The following TMEM135 variants were observed in gnomAD, a reference collection of about 807,000 sequenced individuals.
TMEM135 encodes transmembrane protein 135, also known as peroxisomal membrane protein 52.
Under a neutral mutation model 60.3 loss-of-function variants are expected in TMEM135, and 30 were observed. The ratio of observed to expected loss-of-function variants is 0.50; its 90% CI spans 0.37 to 0.68. The LOEUF (loss-of-function observed/expected upper bound fraction) is 0.68. TMEM135 is among the 30% of genes least tolerant of loss of function. The pLI is 0.00. For synonymous variants in TMEM135, 190 were observed against 186.7 expected, an observed-to-expected ratio of 1.02 and a Z score of -0.14; for missense variants, 468 against 548.8, an observed-to-expected ratio of 0.85 and a Z score of 1.47.
At position 87,037,999 on chromosome 11, in the gene TMEM135, A is replaced by C. The variant is rs758828891; in HGVS notation, c.-47A>C. The C allele has an allele frequency of 1.2e-6, 2 of 1,611,064 alleles. No homozygotes were observed. Among genetic ancestry groups the C allele is most frequent in the Non-Finnish European group, 1.7e-6 (2 of 1,179,696 alleles). ...GCTGGGCTCTCGCGCCCCTCCCTGC[A>C]GGGCTCAGGCTCTCCCCCTCCTGTC... On this transcript the variant is annotated 5_prime_UTR_variant, in exon 1 of 15. Coordinates refer to ENST00000305494, the MANE Select transcript of TMEM135 (RefSeq NM_022918.4).
At chr11:87,259,861 T>A (rs990751791) in intron 6 of TMEM135, among the ~76,000 whole-genome samples, 5 of 152,162 alleles carry the variant, frequency 3.3e-5, no homozygotes, top group Non-Finnish European at 7.4e-5. Flanking sequence ...AAAAAGTGGG[T>A]CTCTTCCCTT....
chr11:87,248,142 A>G (rs1222659524), intron 6 of TMEM135, among the ~76,000 whole-genome samples: 1 of 152,190 alleles, frequency 6.6e-6, no homozygotes, highest in Non-Finnish European at 1.5e-5. Context: ...GCTGTTGTGA[A>G]TAATGCTGCA....
chr11:87,192,210 C>T (rs981519227), intron 5 of TMEM135, among the ~76,000 whole-genome samples: 47 of 148,400 alleles, frequency 3.2e-4, no homozygotes, highest in African/African-American at 1.0e-3. Context: ...AGGATGGTGT[C>T]GATCTCCTAA....
intron 4 of TMEM135, among the ~76,000 whole-genome samples, chr11:87,151,508 G>A (rs1377341319): frequency 6.6e-6 from 1 of 151,936 alleles, no homozygotes; most frequent in Non-Finnish European, 1.5e-5. Context: ...TCCTGTTAAA[G>A]GAATTCCTTA....
At chr11:87,064,728 C>CA (rs796752710) in intron 1 of TMEM135, among the ~76,000 whole-genome samples, 1 of 152,026 alleles carries the variant, frequency 6.6e-6, no homozygotes, top group Admixed American at 6.6e-5. Flanking sequence ...ACTAAAAATA[C>CA]AAAAAATTAG....
At chr11:87,183,817 G>A (rs1477051716) in intron 5 of TMEM135, among the ~76,000 whole-genome samples, 2 of 151,940 alleles carry the variant, frequency 1.3e-5, no homozygotes, top group African/African-American at 4.8e-5. Context: ...TTAGCTGGGC[G>A]TGGTGGCGGG....
chr11:87,199,791 G>A (rs776167517), intron 5 of TMEM135, among the ~76,000 whole-genome samples: 2 of 152,112 alleles, frequency 1.3e-5, no homozygotes, highest in Non-Finnish European at 2.9e-5. Flanking sequence ...TTAGCCAGGC[G>A]TGGTGGCACG....
chr11:87,242,356 G>T (rs1941158300), intron 6 of TMEM135, among the ~76,000 whole-genome samples: 1 of 150,530 alleles, frequency 6.6e-6, no homozygotes, highest in Admixed American at 6.7e-5. Context: ...TAGTCCTTTG[G>T]GTATATACCC....
At chr11:87,089,837 T>A (rs541722330) in intron 3 of TMEM135, among the ~76,000 whole-genome samples, 2 of 152,280 alleles carry the variant, frequency 1.3e-5, no homozygotes, top group African/African-American at 4.8e-5. Context: ...GTAAGAACAC[T>A]TTCAATCCAT....
At chr11:87,307,945 C>T (rs2135446070) in intron 9 of TMEM135, among the ~76,000 whole-genome samples, 1 of 152,264 alleles carries the variant, frequency 6.6e-6, no homozygotes, top group East Asian at 1.9e-4. Context: ...AAATGTTTTT[C>T]TCATTCTAGC....
At chr11:87,171,915 C>A (rs1350313311) in intron 5 of TMEM135, among the ~76,000 whole-genome samples, 1 of 152,114 alleles carries the variant, frequency 6.6e-6, no homozygotes. Context: ...GGATCTGCTG[C>A]CACAGCTGAT....
chr11:87,173,200 G>T (rs1459133998), intron 5 of TMEM135, among the ~76,000 whole-genome samples: 1 of 152,162 alleles, frequency 6.6e-6, no homozygotes, highest in Non-Finnish European at 1.5e-5. Context: ...ATTAGTTCAA[G>T]TAGTTCAAGT....
chr11:87,188,661 G>A (rs997151761), intron 5 of TMEM135, among the ~76,000 whole-genome samples: 12 of 149,964 alleles, frequency 8.0e-5, no homozygotes, highest in Admixed American at 2.0e-4. Context: ...CCAGGATCGC[G>A]CCATTGCACT....
chr11:87,292,996 A>G (rs1296121183), intron 6 of TMEM135, among the ~76,000 whole-genome samples: 1 of 152,214 alleles, frequency 6.6e-6, no homozygotes, highest in African/African-American at 2.4e-5. Flanking sequence ...ACAAAGATAA[A>G]TGGCTGTCTT....
In TMEM135 at chr11:87,218,330, T is replaced by C. The variant is rs547297844; in HGVS notation, c.463-18308T>C. On this transcript the variant is annotated intron_variant, in intron 5 of 14. Transcript: ENST00000305494. Reference sequence around the variant, plus strand: ...TATTAGGCCAGATAATACTGGCCTTTGGCAAAGGTATGAAGTAGGAAACAC... The same window carrying C: ...TATTAGGCCAGATAATACTGGCCTTCGGCAAAGGTATGAAGTAGGAAACAC... Among the ~76,000 whole-genome samples, 5 of 152,316 alleles carry C rather than the reference T, an allele frequency of 3.3e-5. No individual in the cohort carries two copies. The East Asian group carries it at 9.7e-4, about 29-fold the overall frequency.
At chr11:87,067,576 T>C (rs1856691185) in intron 1 of TMEM135, 118 bp from the exon 2 acceptor site, 1 of 1,345,662 alleles carries the variant, frequency 7.4e-7, no homozygotes, top group Non-Finnish European at 1.0e-6. Context: ...TCCAGTGAAA[T>C]GCCAGCATTT....
intron 5 of TMEM135, among the ~76,000 whole-genome samples, chr11:87,196,830 C>T (rs899146525): frequency 1.3e-5 from 2 of 152,010 alleles, no homozygotes; most frequent in African/African-American, 4.8e-5. Context: ...TGTTTAGTGG[C>T]TTGTAAAAGT....
chr11:87,174,802 A>G (rs986036475), intron 5 of TMEM135, among the ~76,000 whole-genome samples: 1 of 152,122 alleles, frequency 6.6e-6, no homozygotes, highest in African/African-American at 2.4e-5. Context: ...GGGGAAAAAT[A>G]GTTTTGTTTG....
At chr11:87,215,959 A>G (rs1940491323) in intron 5 of TMEM135, among the ~76,000 whole-genome samples, 1 of 152,142 alleles carries the variant, frequency 6.6e-6, no homozygotes, top group South Asian at 2.1e-4. Flanking sequence ...GGTTTTAGTT[A>G]CCTGTGGTAC....
Sources: allele counts gnomAD v4.1 joint callset (sites outside exome capture counted in the v4.1 genomes callset), GRCh38; gene constraint gnomAD v4.1.1; transcripts MANE v1.5; gene names NCBI Gene and HGNC (gene_info 2026-07-23, HGNC 2026-07-21).